Variants in ANKRA2 observed in about 807,000 individuals in gnomAD.
ANKRA2 encodes ankyrin repeat family A protein 2.
Under a neutral mutation model 37.8 loss-of-function variants are expected in ANKRA2, and 33 were observed. That is an observed-to-expected ratio of 0.87 (90% CI 0.66 to 1.17). ANKRA2 has a LOEUF of 1.17. Among genes scored for constraint, ANKRA2 ranks in the 50% most tolerant of loss-of-function variants. The pLI is 0.00. For synonymous variants in ANKRA2, 126 were observed against 132.3 expected (o/e 0.95, Z 0.33); for missense variants, 326 against 373.7 (o/e 0.87, Z 1.05).
At position 73,555,581 on chromosome 5, in the gene ANKRA2, A is replaced by G. The variant is rs187991947; in HGVS notation, c.519T>C (p.Asn173=). The G allele has an allele frequency of 9.9e-6, 16 of 1,613,266 alleles. No individual in the cohort carries two copies. In the East Asian group the frequency reaches 2.9e-4, roughly 29 times the overall value. Residue 173 remains asparagine, a synonymous_variant, in exon 5 of 9, where the codon AAT becomes AAC. Coordinates refer to ENST00000296785, the MANE Select transcript of ANKRA2 (RefSeq NM_023039.5). ...CTTCTTCATCCGTGTGATTGATAACATTTTCTATTTAAAAGAAAAGCAATT... is the reference window on the plus strand; with the variant it reads ...CTTCTTCATCCGTGTGATTGATAACGTTTTCTATTTAAAAGAAAAGCAATT... ...LYLATRIEQE[N]VINHTDEEGF...
chr5:73,563,790 G>A (rs1747622825), intron 1 of ANKRA2, among the ~76,000 whole-genome samples: 1 of 152,170 alleles, frequency 6.6e-6, no homozygotes, highest in Non-Finnish European at 1.5e-5. Context: ...GGTGCAGGGT[G>A]TTTCAAAATT....
intron 2 of ANKRA2, 95 bp from the exon 3 acceptor site, chr5:73,561,383 GC>G: frequency 8.6e-7 from 1 of 1,166,650 alleles, no homozygotes; most frequent in Non-Finnish European, 1.2e-6. Context: ...AGGTGTAATA[GC>G]TTCAATTAAA....
At chr5:73,558,370 T>A (rs1349214101) in intron 3 of ANKRA2, among the ~76,000 whole-genome samples, 1 of 152,174 alleles carries the variant, frequency 6.6e-6, no homozygotes, top group Non-Finnish European at 1.5e-5. Flanking sequence ...TATTTCTGCA[T>A]CCAAACTTAT....
At chr5:73,555,184 C>A in intron 5 of ANKRA2, 198 bp from the exon 6 acceptor site, 1 of 1,397,440 alleles carries the variant, frequency 7.2e-7, no homozygotes. Context: ...TGTATCAATC[C>A]TAATTATCCT....
At chr5:73,562,471 A>G in intron 2 of ANKRA2, 122 bp downstream of exon 2, 1 of 924,890 alleles carries the variant, frequency 1.1e-6, no homozygotes, top group South Asian at 2.3e-5. Context: ...GAGATTCCAG[A>G]AAATCATATT....
At chr5:73,563,230 T>C (rs1747603895) in intron 1 of ANKRA2, among the ~76,000 whole-genome samples, 1 of 152,212 alleles carries the variant, frequency 6.6e-6, no homozygotes, top group Non-Finnish European at 1.5e-5. Flanking sequence ...AATAGGGATA[T>C]CACCATTAAC....
intron 6 of ANKRA2, 76 bp downstream of exon 6, chr5:73,554,785 C>T (rs2112007443): frequency 1.3e-6 from 2 of 1,497,518 alleles, no homozygotes; most frequent in Non-Finnish European, 1.8e-6. Context: ...TTTAATAAAA[C>T]TTACTGCATC....
chr5:73,561,262 A>G lies in ANKRA2; in HGVS notation c.316T>C (p.Ser106Pro), dbSNP rs1561270955. Residue 106 changes from serine (S) to proline (P), a missense_variant, in exon 3 of 9, where the codon TCT (serine) becomes CCT (proline). By Grantham distance (74) the Ser-to-Pro change is moderately conservative. Around this residue, in one of 3 missense-constraint regions of ANKRA2, gnomAD observed 228 missense variants for 260.2 expected, o/e 0.88. Coordinates refer to ENST00000296785, the MANE Select transcript of ANKRA2 (RefSeq NM_023039.5). Reference protein sequence around the residue: ...KAECNIHTSPSPGIQVRHVYT... With the variant: ...KAECNIHTSPPPGIQVRHVYT... Reference sequence around the variant, plus strand: ...ACATGCCTTACTTGAATTCCCGGAGAAGGAGATGTATGGATATTGCATTCA... The same window carrying G: ...ACATGCCTTACTTGAATTCCCGGAGGAGGAGATGTATGGATATTGCATTCA... 2 of 1,613,320 alleles carry G rather than the reference A, an allele frequency of 1.2e-6. No homozygotes were observed. Among genetic ancestry groups the G allele is most frequent in the East Asian group, 2.2e-5 (1 of 44,852 alleles).
chr5:73,558,529 T>TA (rs1214930718), intron 3 of ANKRA2, among the ~76,000 whole-genome samples: 1 of 152,114 alleles, frequency 6.6e-6, no homozygotes, highest in Non-Finnish European at 1.5e-5. Context: ...GCCTTGAGAG[T>TA]AAATTTATTT....
At chr5:73,553,962 G>A (rs1257705220) in intron 7 of ANKRA2, among the ~76,000 whole-genome samples, 4 of 152,024 alleles carry the variant, frequency 2.6e-5, no homozygotes, top group Non-Finnish European at 5.9e-5. Flanking sequence ...GTAGAGACGG[G>A]GTTTCGCCAT....
intron 2 of ANKRA2, 71 bp from the exon 3 acceptor site, chr5:73,561,359 AAAAG>A: frequency 7.0e-7 from 1 of 1,421,816 alleles, no homozygotes; most frequent in Non-Finnish European, 9.7e-7. Flanking sequence ...TCTACATTTG[AAAAG>A]AAATACATGA....
chr5:73,558,223 C>A (rs1436002698), intron 3 of ANKRA2, among the ~76,000 whole-genome samples: 1 of 152,104 alleles, frequency 6.6e-6, no homozygotes, highest in Non-Finnish European at 1.5e-5. Context: ...AGCAGATCCT[C>A]CCACCTTGAC....
In ANKRA2 at chr5:73,557,615, A is replaced by G. The variant is rs1747437246; in HGVS notation, c.474T>C (p.Ala158=). 1 of 1,611,220 alleles carries G rather than the reference A, an allele frequency of 6.2e-7. No individual in the cohort carries two copies. Among genetic ancestry groups the G allele is most frequent in the East Asian group, 2.2e-5 (1 of 44,808 alleles). The change falls in exon 4 of 9, where the codon GCT becomes GCC. Residue 158 remains alanine (A), a synonymous_variant. Transcript: ENST00000296785. The stretch of plus-strand genomic sequence containing the variant: ...TAGCCAGATAGAGCATCTCTCCCTG[A>G]GCAGCCAACTGGTGAACAGACAAAG... ...ANSLSVHQLA[A]QGEMLYLATR...
chr5:73,561,129 C>T lies in ANKRA2; in HGVS notation c.448+1G>A. 1.2e-6 allele frequency: 2 copies of T among 1,606,624 alleles called. No individual in the cohort carries two copies. Among genetic ancestry groups the T allele is most frequent in the Non-Finnish European group, 1.7e-6 (2 of 1,177,758 alleles). ...GTAATACATCAGTGGCAAATACTTA[C>T]AATTTGCTAACAGAGGTGTGGTAGA... is the stretch of plus-strand genomic sequence containing the variant. On this transcript the variant is annotated splice_donor_variant, in intron 3 of 8. Coordinates refer to ENST00000296785, the MANE Select transcript of ANKRA2 (RefSeq NM_023039.5). LOFTEE classifies it high-confidence loss of function.
chr5:73,563,051 A>AT, intron 1 of ANKRA2, 66 bp from the exon 2 acceptor site: 1 of 580,036 alleles, frequency 1.7e-6, no homozygotes, highest in Non-Finnish European at 2.9e-6. Context: ...CAAAATAATC[A>AT]TTTTCAATCA....
In ANKRA2 at chr5:73,555,518, T is replaced by G; in HGVS notation, c.582A>C (p.Gln194His). Residue 194 changes from glutamine to histidine, a missense_variant, in exon 5 of 9, where the codon CAA (glutamine) becomes CAC (histidine). By Grantham distance (24) the Gln-to-His change is conservative. This residue lies in a region of ANKRA2 where 228 missense variants were observed against 260.2 expected (regional missense o/e 0.88). Transcript: ENST00000296785. ...TPLMWAAAHGQIAVVEFLLQN... is the reference protein window; with the variant it reads ...TPLMWAAAHGHIAVVEFLLQN... ...GAAGTAGGAACTCTACCACAGCTAT[T>G]TGCCCGTGTGCTGCAGCCCACATCA... is the stretch of plus-strand genomic sequence containing the variant. The G allele has an allele frequency of 6.2e-7, 1 of 1,613,876 alleles. No individual in the cohort carries two copies. Among genetic ancestry groups the G allele is most frequent in the Non-Finnish European group, 8.5e-7 (1 of 1,179,790 alleles).
Position 73,553,426 on chromosome 5 carries a change from A to G in ANKRA2, c.866T>C (p.Val289Ala), listed in dbSNP as rs776126567. The change falls in exon 8 of 9, where the codon GTA (valine) becomes GCA (alanine). Residue 289 changes from valine (V) to alanine (A), a missense_variant. Around this residue, in one of 3 missense-constraint regions of ANKRA2, gnomAD observed 228 missense variants for 260.2 expected, o/e 0.88. Coordinates refer to ENST00000296785, the MANE Select transcript of ANKRA2 (RefSeq NM_023039.5). The stretch of plus-strand genomic sequence containing the variant: ...CTTACCACTTCTATAGCCTAGGGCT[A>G]CAGCTAGATCCATAGAATTATATCC... The part of the protein sequence containing the change: ...DSGYNSMDLA[V>A]ALGYRSVQQV... 3 of 1,613,286 alleles carry G rather than the reference A, an allele frequency of 1.9e-6. No homozygotes were observed. The South Asian group carries it at 3.3e-5, about 18-fold the overall frequency.
At position 73,562,581 on chromosome 5, in the gene ANKRA2, A is replaced by G. The variant is rs754365934; in HGVS notation, c.289+12T>C. The stretch of plus-strand genomic sequence containing the variant: ...AAAAACAAATGCAGATATTTATACC[A>G]TAACTTTCAACCTTTAAATAGGACA... On this transcript the variant is annotated intron_variant, in intron 2 of 8. Transcript: ENST00000296785. The G allele has an allele frequency of 3.8e-6, 6 of 1,589,734 alleles. No individual in the cohort carries two copies. The highest frequency in any genetic ancestry group is 2.2e-5 in the East Asian group (1 of 44,622).
At chr5:73,562,547 T>C in intron 2 of ANKRA2, 46 bp downstream of exon 2, 2 of 1,511,616 alleles carry the variant, frequency 1.3e-6, no homozygotes, top group Non-Finnish European at 1.8e-6. Context: ...AACCCAAATA[T>C]ACAAAAACAA....
Sources: gnomAD v4.1 joint callset for allele counts (sites outside exome capture counted in the v4.1 genomes callset) on GRCh38, gnomAD v4.1.1 for gene constraint, gnomAD v4.1.1 regional missense constraint, MANE v1.5 for transcripts, NCBI Gene and HGNC (gene_info 2026-07-23, HGNC 2026-07-21) for gene names.